The following KIZ variants were observed in gnomAD, a reference collection of about 807,000 sequenced individuals.
KIZ encodes the protein kizuna centrosomal protein.
KIZ carries 68 observed loss-of-function variants against 79.6 expected under a neutral mutation model. The observed-to-expected ratio is 0.85, with a 90% CI of 0.70 to 1.05. The LOEUF is 1.05. Ranked by LOEUF, KIZ falls within the 50% of genes least tolerant of loss-of-function variation. The pLI is 0.00. For synonymous variants in KIZ, 280 were observed against 281.8 expected (o/e 0.99, Z 0.06); for missense variants, 797 against 800.4 (o/e 1.00, Z 0.05).
chr20:21,147,609 G>A (rs528657726), intron 4 of KIZ, among the ~76,000 whole-genome samples: 1 of 152,294 alleles, frequency 6.6e-6, no homozygotes, highest in Admixed American at 6.5e-5. Context: ...TCAATAAATA[G>A]TTGTTAAGCA....
chr20:21,151,912 A>T (rs1190914728), intron 4 of KIZ: 1 of 152,216 alleles, frequency 6.6e-6, no homozygotes, highest in Non-Finnish European at 1.5e-5. Context: ...ACACAGAAGC[A>T]GCCTGAATGA....
At chr20:21,245,562 G>T (rs765754468) in intron 12 of KIZ, 34 of 152,320 alleles carry the variant, frequency 2.2e-4, no homozygotes, top group Non-Finnish European at 4.7e-4. Flanking sequence ...CCATGCAGGT[G>T]TCAGCAGAGT....
rs187110729 is a variant in KIZ, at chr20:21,195,497, T to C, written c.1353-9994T>C. On this transcript the variant is annotated intron_variant, in intron 6 of 12. Coordinates refer to ENST00000619189, the MANE Select transcript of KIZ (RefSeq NM_018474.6). ...CAGCACCATGGAGTGTCAGCCAGTT[T>C]CCAGTACTGCACAGTACTAACCTTT... The C allele has an allele frequency of 7.9e-5, 12 of 152,348 alleles. No homozygotes were observed. The East Asian group carries it at 2.1e-3, about 27-fold the overall frequency. 9.4% of individuals were successfully genotyped at this position (152,348 alleles called of 1,614,324 possible). A position where few individuals can be genotyped will look rare whatever the true frequency, so the allele number is the denominator to read the frequency against.
At chr20:21,242,204 C>T (rs143174605) in intron 11 of KIZ, among the ~76,000 whole-genome samples, 32 of 152,236 alleles carry the variant, frequency 2.1e-4, no homozygotes, top group African/African-American at 7.5e-4. Context: ...AGCAACTTGA[C>T]GAGGACTCAG....
intron 6 of KIZ, among the ~76,000 whole-genome samples, chr20:21,189,836 G>A (rs991522844): frequency 4.6e-5 from 7 of 152,114 alleles, no homozygotes; most frequent in Non-Finnish European, 7.4e-5. Flanking sequence ...TGGTCGCCTC[G>A]CTGTGCTGGC....
chr20:21,126,190 C>A lies in KIZ; in HGVS notation c.75C>A (p.His25Gln), dbSNP rs921636473. ...DYYERLGQLQ[H>Q]GLRDSEKKRL... ...ACGAGAGGCTGGGCCAACTCCAGCA[C>A]GGGCTGCGGGACAGGTAAGGGCACT... The change falls in exon 1 of 13, where the codon CAC (histidine) becomes CAA (glutamine). Residue 25 changes from histidine (H) to glutamine (Q), a missense_variant. By Grantham distance (24) the His-to-Gln change is conservative. Coordinates refer to ENST00000619189, the MANE Select transcript of KIZ (RefSeq NM_018474.6). 2 of 1,482,886 alleles carry A rather than the reference C, an allele frequency of 1.3e-6. No individual in the cohort carries two copies. The highest frequency in any genetic ancestry group is 5.8e-5 in the East Asian group (2 of 34,240). 91.9% of individuals were successfully genotyped at this position (1,482,886 alleles called of 1,614,324 possible).
intron 1 of KIZ, among the ~76,000 whole-genome samples, chr20:21,129,702 A>T (rs2031713014): frequency 6.6e-6 from 1 of 152,030 alleles, no homozygotes; most frequent in Admixed American, 6.6e-5. Flanking sequence ...ATTGTACTCC[A>T]GCTTGGGCAA....
chr20:21,224,985 A>C (rs1340560485), intron 9 of KIZ, among the ~76,000 whole-genome samples: 1 of 152,158 alleles, frequency 6.6e-6, no homozygotes, highest in African/African-American at 2.4e-5. Context: ...AACGCATATC[A>C]AAAAGAAAAA....
intron 4 of KIZ, chr20:21,148,702 T>C (rs1417750415): frequency 6.6e-6 from 1 of 152,190 alleles, no homozygotes; most frequent in Admixed American, 6.5e-5. Flanking sequence ...TCAAGAAAGA[T>C]TGAGATGGCG....
At chr20:21,213,782 GT>G (rs952118589) in intron 7 of KIZ, 4 of 152,130 alleles carry the variant, frequency 2.6e-5, no homozygotes, top group African/African-American at 9.7e-5. Context: ...CACCTCTAAG[GT>G]TGGCTCTGAT....
chr20:21,163,186 C>G, intron 6 of KIZ, 27 bp downstream of exon 6: 2 of 1,498,634 alleles, frequency 1.3e-6, no homozygotes, highest in Middle Eastern at 3.5e-4. Context: ...TTTTTTTCTA[C>G]TGTTCTGTTT....
intron 11 of KIZ, among the ~76,000 whole-genome samples, chr20:21,242,634 G>C (rs1198389774): frequency 6.6e-6 from 1 of 152,086 alleles, no homozygotes; most frequent in Non-Finnish European, 1.5e-5. Context: ...AGACTGGAGA[G>C]GGGCTTGGGG....
chr20:21,165,765 T>C (rs922290445), intron 6 of KIZ, among the ~76,000 whole-genome samples: 6 of 152,198 alleles, frequency 3.9e-5, no homozygotes, highest in African/African-American at 1.4e-4. Flanking sequence ...CCAAATCAGT[T>C]GCCCTTCAGC....
At chr20:21,215,744 A>G in intron 9 of KIZ, 96 bp downstream of exon 9, 1 of 706,212 alleles carries the variant, frequency 1.4e-6, no homozygotes, top group South Asian at 1.7e-5. Flanking sequence ...CCCCACTAAG[A>G]GCACATGTAT....
chr20:21,137,468 CCCTA>C (rs2032259819), intron 3 of KIZ, among the ~76,000 whole-genome samples: 1 of 150,046 alleles, frequency 6.7e-6, no homozygotes, highest in African/African-American at 2.5e-5. Context: ...TACTGAGCCC[CCCTA>C]CCTTTTTTTT....
intron 6 of KIZ, among the ~76,000 whole-genome samples, chr20:21,171,132 A>C (rs992255206): frequency 1.7e-4 from 26 of 152,224 alleles, no homozygotes; most frequent in African/African-American, 5.3e-4. Context: ...CCATTCTAAA[A>C]GGTGTTTAGT....
intron 10 of KIZ, among the ~76,000 whole-genome samples, chr20:21,229,486 C>T (rs1444273077): frequency 6.6e-6 from 1 of 152,190 alleles, no homozygotes; most frequent in Non-Finnish European, 1.5e-5. Flanking sequence ...CTTTCCCTCA[C>T]CAGAATGTTG....
chr20:21,187,928 A>G (rs2034953212), intron 6 of KIZ, among the ~76,000 whole-genome samples: 1 of 152,208 alleles, frequency 6.6e-6, no homozygotes, highest in Non-Finnish European at 1.5e-5. Context: ...ATAATAAGAC[A>G]TTTACCCTCG....
intron 9 of KIZ, among the ~76,000 whole-genome samples, chr20:21,227,856 T>C (rs1293815435): frequency 6.6e-6 from 1 of 152,230 alleles, no homozygotes; most frequent in Admixed American, 6.5e-5. Context: ...AAAATACTAG[T>C]TTCAGCGACC....
Sources: allele counts gnomAD v4.1 joint callset (sites outside exome capture counted in the v4.1 genomes callset), GRCh38; gene constraint gnomAD v4.1.1; transcripts MANE v1.5; gene names NCBI Gene and HGNC (gene_info 2026-07-23, HGNC 2026-07-21).